XRN1: variants seen among roughly 807,000 people sequenced by gnomAD.
XRN1 encodes the protein 5'-3' exoribonuclease 1, also known as strand-exchange protein 1 homolog.
XRN1 carries 67 observed loss-of-function variants against 222.3 expected under a neutral mutation model. The ratio of observed to expected loss-of-function variants is 0.30; its 90% CI spans 0.25 to 0.37. The LOEUF (loss-of-function observed/expected upper bound fraction) is 0.37, where lower values mean the gene tolerates loss of function less well. Among genes scored for constraint, XRN1 ranks in the 10% least tolerant of loss-of-function variants. The probability of loss-of-function intolerance (pLI) is 1.00; values close to 1 mark genes in which losing one functional copy is unlikely to be tolerated. For missense variants in XRN1, 1,707 were observed against 2,000.2 expected (o/e 0.85, Z 2.80); for synonymous variants, 643 against 652.4 (o/e 0.99, Z 0.22).
intron 6 of XRN1, 48 bp downstream of exon 6, chr3:142,423,512 T>C (rs1331516364): frequency 7.0e-7 from 1 of 1,432,664 alleles, no homozygotes; most frequent in South Asian, 1.3e-5. Context: ...AAAGAATTAC[T>C]ATCCAGGCGT....
In XRN1 at chr3:142,422,719, C is replaced by T. The variant is rs956242493; in HGVS notation, c.830G>A (p.Arg277Lys). The change falls in exon 8 of 41, where the codon AGG becomes AAG. Residue 277 changes from arginine (R) to lysine (K), a missense_variant. By Grantham distance (26) the Arg-to-Lys change is conservative. Coordinates refer to ENST00000392981, the MANE Select transcript of XRN1 (RefSeq NM_001282857.2). Reference protein sequence around the residue: ...EKITFKYDIERIIDDWILMGF... With the variant: ...EKITFKYDIEKIIDDWILMGF... ...CATCAAAATCCAATCATCTATTATC[C>T]TTTCAATATCATATTTAAATGTGAT... The T allele has an allele frequency of 1.9e-6, 3 of 1,611,434 alleles. No homozygotes were observed. Among genetic ancestry groups the T allele is most frequent in the South Asian group, 1.1e-5 (1 of 90,814 alleles).
intron 29 of XRN1, among the ~76,000 whole-genome samples, chr3:142,360,978 A>C (rs945328688): frequency 6.6e-6 from 1 of 152,208 alleles, no homozygotes; most frequent in South Asian, 2.1e-4. Flanking sequence ...ATGAGTTTTA[A>C]CATACATAAT....
chr3:142,397,564 C>T (rs1406587958), intron 19 of XRN1, 104 bp from the exon 20 acceptor site: 1 of 924,062 alleles, frequency 1.1e-6, no homozygotes, highest in Non-Finnish European at 1.5e-6. Flanking sequence ...ACATGGTATA[C>T]TAGCAAAAAA....
intron 19 of XRN1, among the ~76,000 whole-genome samples, chr3:142,399,272 A>C (rs1263412166): frequency 6.6e-6 from 1 of 151,508 alleles, no homozygotes; most frequent in East Asian, 1.9e-4. Context: ...AGTTGAAGGA[A>C]TCACACTACC....
chr3:142,403,239 A>G (rs1036940186), intron 18 of XRN1, among the ~76,000 whole-genome samples: 1 of 152,194 alleles, frequency 6.6e-6, no homozygotes, highest in Non-Finnish European at 1.5e-5. Flanking sequence ...ATTCTAAAGA[A>G]AAGACTAAGT....
chr3:142,401,083 T>C lies in XRN1; in HGVS notation c.2104-536A>G, dbSNP rs112538026. ...AGCAGAAATATCTAGAAAAGAACTATTGACTGTTTCATATCAAATAGTCAA... is the reference window on the plus strand; with the variant it reads ...AGCAGAAATATCTAGAAAAGAACTACTGACTGTTTCATATCAAATAGTCAA... On this transcript the variant is annotated intron_variant, in intron 18 of 40. Coordinates refer to ENST00000392981, the MANE Select transcript of XRN1 (RefSeq NM_001282857.2). Among the ~76,000 whole-genome samples, 792 of 152,308 alleles carry C rather than the reference T, an allele frequency of 5.2e-3. 10 individuals carry two copies. Among genetic ancestry groups the C allele is most frequent in the African/African-American group, 0.018 (763 of 41,560 alleles).
At chr3:142,425,984 A>T (rs2069231746) in intron 3 of XRN1, among the ~76,000 whole-genome samples, 1 of 151,976 alleles carries the variant, frequency 6.6e-6, no homozygotes, top group Admixed American at 6.6e-5. Context: ...AAAAATTATT[A>T]TTAATTTGGA....
At chr3:142,429,425 G>C (rs1013680471) in intron 2 of XRN1, among the ~76,000 whole-genome samples, 2 of 152,124 alleles carry the variant, frequency 1.3e-5, no homozygotes, top group Non-Finnish European at 2.9e-5. Context: ...TGGGATTACA[G>C]GTGCGAGCCA....
chr3:142,432,529 A>G (rs73238191), intron 2 of XRN1, 132 bp downstream of exon 2: 31,795 of 826,990 alleles, frequency 0.038, 790 homozygotes, highest in Non-Finnish European at 0.046. Flanking sequence ...TGACACTGAG[A>G]TATTTCCATT....
chr3:142,415,811 A>G (rs764430190), intron 13 of XRN1, among the ~76,000 whole-genome samples: 1 of 152,224 alleles, frequency 6.6e-6, no homozygotes, highest in African/African-American at 2.4e-5. Context: ...AACCAAACCA[A>G]ACAGAGTTGT....
intron 15 of XRN1, 69 bp from the exon 16 acceptor site, chr3:142,405,145 T>A (rs1577375685): frequency 2.0e-6 from 3 of 1,483,520 alleles, no homozygotes; most frequent in East Asian, 2.3e-5. Flanking sequence ...ACAGAATAAG[T>A]CTTTTTCCTC....
Position 142,347,341 on chromosome 3 carries a change from C to T in XRN1, c.3770G>A (p.Gly1257Asp). 1 of 1,553,794 alleles carries T rather than the reference C, an allele frequency of 6.4e-7. No individual in the cohort carries two copies. Among genetic ancestry groups the T allele is most frequent in the Non-Finnish European group, 8.7e-7 (1 of 1,153,984 alleles). Reference sequence around the variant, plus strand: ...GCTTATTTCTTGAGGTAGAACTGCACCCTGAAAATTAAAATTCTTATAAAT... The same window carrying T: ...GCTTATTTCTTGAGGTAGAACTGCATCCTGAAAATTAAAATTCTTATAAAT... ...QYFQPTIQEK[G>D]AVLPQEISQV... Residue 1257 changes from glycine (G) to aspartate (D), a missense_variant and splice_region_variant, in exon 33 of 41, where the codon GGT becomes GAT. Gly to Asp is a moderately conservative substitution (Grantham distance 94, BLOSUM62 -1). Coordinates refer to ENST00000392981, the MANE Select transcript of XRN1 (RefSeq NM_001282857.2).
intron 27 of XRN1, among the ~76,000 whole-genome samples, chr3:142,368,104 ATATG>A (rs1020669894): frequency 8.0e-5 from 12 of 150,490 alleles, no homozygotes; most frequent in African/African-American, 2.9e-4. Flanking sequence ...TTATATATAA[ATATG>A]TATTTATATA....
At chr3:142,409,752 C>T (rs2068492005) in intron 15 of XRN1, among the ~76,000 whole-genome samples, 1 of 152,130 alleles carries the variant, frequency 6.6e-6, no homozygotes, top group Non-Finnish European at 1.5e-5. Context: ...GGACGTACAC[C>T]TTAACAATAT....
intron 6 of XRN1, among the ~76,000 whole-genome samples, chr3:142,423,191 T>C (rs547973058): frequency 1.3e-5 from 2 of 152,294 alleles, no homozygotes; most frequent in African/African-American, 4.8e-5. Flanking sequence ...TAACATATAG[T>C]AGAAGTAAGA....
At chr3:142,355,593 G>A in intron 31 of XRN1, 97 bp from the exon 32 acceptor site, 1 of 801,000 alleles carries the variant, frequency 1.2e-6, no homozygotes, top group Admixed American at 2.7e-5. Context: ...GTTATTCAGT[G>A]GTAGACAGGA....
chr3:142,418,151 TG>T (rs1215719921), intron 12 of XRN1: 1 of 207,364 alleles, frequency 4.8e-6, no homozygotes, highest in Non-Finnish European at 9.5e-6. Context: ...ATTCCGGAGA[TG>T]GAAGAGGTGA....
In XRN1 at chr3:142,418,535, T is replaced by C. The variant is rs201177344; in HGVS notation, c.1315A>G (p.Met439Val). 3 of 1,611,734 alleles carry C rather than the reference T, an allele frequency of 1.9e-6. No individual in the cohort carries two copies. The highest frequency in any genetic ancestry group is 1.3e-5 in the African/African-American group (1 of 74,964). The stretch of plus-strand genomic sequence containing the variant: ...ACTACGTCAACCCCCATCTTCGTCA[T>C]GTAATATGTTCTTTTATATTGTCTA... Reference protein sequence around the residue: ...EFRQYKRTYYMTKMGVDVVSD... With the variant: ...EFRQYKRTYYVTKMGVDVVSD... The change falls in exon 12 of 41, where the codon ATG becomes GTG. Residue 439 changes from methionine to valine, a missense_variant. Transcript: ENST00000392981.
chr3:142,426,702 T>C (rs773205233), intron 3 of XRN1, 42 bp downstream of exon 3: 1 of 1,560,942 alleles, frequency 6.4e-7, no homozygotes, highest in South Asian at 1.2e-5. Flanking sequence ...GTTTTCAATT[T>C]ATATTTCAAT....
Sources: allele counts gnomAD v4.1 joint callset (sites outside exome capture counted in the v4.1 genomes callset), GRCh38; gene constraint gnomAD v4.1.1; transcripts MANE v1.5; gene names NCBI Gene and HGNC (gene_info 2026-07-23, HGNC 2026-07-21).